The following NEDD4L variants were observed in gnomAD, a reference collection of about 807,000 sequenced individuals.
NEDD4L encodes NEDD4 like E3 ubiquitin protein ligase, also known as E3 ubiquitin-protein ligase NEDD4-like.
Under a neutral mutation model 148.9 loss-of-function variants are expected in NEDD4L, and 54 were observed. That is an observed-to-expected ratio of 0.36 (90% CI 0.29 to 0.45). NEDD4L has a LOEUF of 0.45. Ranked by LOEUF, NEDD4L falls within the 20% of genes least tolerant of loss-of-function variation. The probability of loss-of-function intolerance (pLI) is 1.00; values close to 1 mark genes in which losing one functional copy is unlikely to be tolerated. For synonymous variants in NEDD4L, 433 were observed against 440.7 expected, an observed-to-expected ratio of 0.98 and a Z score of 0.22; for missense variants, 856 against 1,233.8, an observed-to-expected ratio of 0.69 and a Z score of 4.59.
chr18:58,065,220 T>G (rs2082536413), intron 1 of NEDD4L, among the ~76,000 whole-genome samples: 1 of 152,260 alleles, frequency 6.6e-6, no homozygotes, highest in Non-Finnish European at 1.5e-5. Flanking sequence ...ACAATTTATT[T>G]AATCCCTGCT....
chr18:58,372,838 A>AC (rs1351254284), intron 23 of NEDD4L, among the ~76,000 whole-genome samples: 1 of 143,016 alleles, frequency 7.0e-6, no homozygotes, highest in Non-Finnish European at 1.5e-5. Context: ...AACAAAAAAA[A>AC]AAAAAAAAAG....
chr18:58,347,758 T>C (rs780194784), intron 16 of NEDD4L, among the ~76,000 whole-genome samples: 8 of 152,214 alleles, frequency 5.3e-5, no homozygotes, highest in Admixed American at 5.2e-4. Flanking sequence ...TGATTTTTGT[T>C]GTTCGTGGTC....
chr18:58,184,927 C>CAA (rs1001191802), intron 2 of NEDD4L, among the ~76,000 whole-genome samples: 6 of 140,260 alleles, frequency 4.3e-5, no homozygotes, highest in African/African-American at 1.6e-4. Flanking sequence ...GACTCCATCT[C>CAA]AAAAAAAAAA....
At chr18:58,263,711 A>G (rs1600410980) in intron 5 of NEDD4L, among the ~76,000 whole-genome samples, 1 of 122,280 alleles carries the variant, frequency 8.2e-6, no homozygotes. Context: ...ATGCATGGCT[A>G]GGTAGTTACC....
intron 5 of NEDD4L, among the ~76,000 whole-genome samples, chr18:58,290,373 G>A (rs1175615481): frequency 6.6e-6 from 1 of 152,182 alleles, no homozygotes; most frequent in African/African-American, 2.4e-5. Flanking sequence ...CAAACCCATT[G>A]TTTGATTATA....
Position 58,168,732 on chromosome 18 carries a change from C to T in NEDD4L, c.122+2871C>T, listed in dbSNP as rs902503730. On this transcript the variant is annotated intron_variant, in intron 2 of 30. Transcript: ENST00000400345. ...TAGGCATTGGAGCCCTTGCTGTAGA[C>T]AGGATAATGGGTGAAAGAGGAAGAA... Among the ~76,000 whole-genome samples, 8 of 152,180 alleles carry T rather than the reference C, an allele frequency of 5.3e-5. No homozygotes were observed. In the East Asian group the frequency reaches 1.5e-3, roughly 29 times the overall value.
intron 1 of NEDD4L, among the ~76,000 whole-genome samples, chr18:58,073,636 T>C (rs755260992): frequency 7.2e-5 from 11 of 152,184 alleles, no homozygotes; most frequent in Admixed American, 2.6e-4. Flanking sequence ...TATTTGAAAA[T>C]TCTGGAATAA....
intron 1 of NEDD4L, among the ~76,000 whole-genome samples, chr18:58,141,133 C>T (rs2033449070): frequency 6.6e-6 from 1 of 152,136 alleles, no homozygotes; most frequent in African/African-American, 2.4e-5. Flanking sequence ...GCCATGGGCA[C>T]CCAGCACGGG....
chr18:58,369,176 A>T (rs2046498827), intron 22 of NEDD4L, among the ~76,000 whole-genome samples: 1 of 152,180 alleles, frequency 6.6e-6, no homozygotes, highest in African/African-American at 2.4e-5. Context: ...CTTTCCCAGG[A>T]TGAGCTGCAC....
intron 1 of NEDD4L, among the ~76,000 whole-genome samples, chr18:58,160,374 C>A (rs1325690586): frequency 1.3e-5 from 2 of 152,162 alleles, no homozygotes; most frequent in African/African-American, 4.8e-5. Context: ...GTACAAAATT[C>A]AGTGTAAAAG....
chr18:58,106,907 G>A (rs2085100243), intron 1 of NEDD4L, among the ~76,000 whole-genome samples: 1 of 152,190 alleles, frequency 6.6e-6, no homozygotes, highest in African/African-American at 2.4e-5. Context: ...AGAATGATGA[G>A]GAAGTGGGTT....
At chr18:58,237,171 G>T (rs747279818) in intron 2 of NEDD4L, among the ~76,000 whole-genome samples, 9 of 152,128 alleles carry the variant, frequency 5.9e-5, no homozygotes, top group Non-Finnish European at 1.3e-4. Context: ...TGGAGGAGGG[G>T]TAGACAGTCT....
chr18:58,054,079 A>G (rs1002634378), intron 1 of NEDD4L, among the ~76,000 whole-genome samples: 5 of 152,188 alleles, frequency 3.3e-5, no homozygotes, highest in Non-Finnish European at 7.3e-5. Flanking sequence ...TTTTATTTAC[A>G]TGTATAAGTT....
intron 1 of NEDD4L, among the ~76,000 whole-genome samples, chr18:58,124,424 ACTC>A (rs1179905361): frequency 6.6e-6 from 1 of 151,440 alleles, no homozygotes; most frequent in Non-Finnish European, 1.5e-5. Flanking sequence ...CCCTCTGGCT[ACTC>A]CTCTGCTTCT....
chr18:58,052,164 TTC>T (rs1196831814), intron 1 of NEDD4L, among the ~76,000 whole-genome samples: 2 of 152,220 alleles, frequency 1.3e-5, no homozygotes, highest in African/African-American at 4.8e-5. Flanking sequence ...TTCTGTAACT[TTC>T]TGTTACTCTG....
chr18:58,086,025 G>GA (rs2083741117), intron 1 of NEDD4L, among the ~76,000 whole-genome samples: 1 of 152,186 alleles, frequency 6.6e-6, no homozygotes, highest in Non-Finnish European at 1.5e-5. Flanking sequence ...AAACTTGGGG[G>GA]ATGTACTCTT....
intron 1 of NEDD4L, among the ~76,000 whole-genome samples, chr18:58,066,155 T>G (rs1396953031): frequency 6.6e-6 from 1 of 152,226 alleles, no homozygotes; most frequent in Non-Finnish European, 1.5e-5. Flanking sequence ...AGTAGTCACT[T>G]AAGTTGCATA....
Position 58,400,747 on chromosome 18 carries a change from C to T in NEDD4L, c.*4478C>T, listed in dbSNP as rs1277782791. The T allele has an allele frequency of 6.6e-6, 1 of 152,224 alleles. No individual in the cohort carries two copies. Among genetic ancestry groups the T allele is most frequent in the African/African-American group, 2.4e-5 (1 of 41,452 alleles). 9.4% of individuals were successfully genotyped at this position (152,224 alleles called of 1,614,324 possible). A position where few individuals can be genotyped will look rare whatever the true frequency, so the allele number is the denominator to read the frequency against. On this transcript the variant is annotated 3_prime_UTR_variant, in exon 31 of 31. Transcript: ENST00000400345. ...GTACCAGTGCATCATCAGAAGCCTT[C>T]CTCGTGACCATAACTCTGTGTCTGC...
intron 5 of NEDD4L, among the ~76,000 whole-genome samples, chr18:58,286,005 C>T (rs537988252): frequency 2.6e-5 from 4 of 152,214 alleles, no homozygotes; most frequent in South Asian, 2.1e-4. Flanking sequence ...ATTGTCATAC[C>T]TTAAGTTCTT....
Sources: allele counts gnomAD v4.1 joint callset (sites outside exome capture counted in the v4.1 genomes callset), GRCh38; gene constraint gnomAD v4.1.1; transcripts MANE v1.5; gene names NCBI Gene and HGNC (gene_info 2026-07-23, HGNC 2026-07-21).